The following KCNK12 variants were observed in gnomAD, a reference collection of about 807,000 sequenced individuals.
The protein encoded by KCNK12 is potassium two pore domain channel subfamily K member 12, also known as potassium channel subfamily K member 12.
KCNK12 carries 6 observed loss-of-function variants against 25.3 expected under a neutral mutation model. The ratio of observed to expected loss-of-function variants is 0.24; its 90% CI spans 0.13 to 0.47. KCNK12 has a LOEUF of 0.47. KCNK12 is among the 20% of genes least tolerant of loss of function. The pLI is 0.99. For synonymous variants in KCNK12, 331 were observed against 311.1 expected (o/e 1.06, Z -0.67); for missense variants, 444 against 661.7 (o/e 0.67, Z 3.61).
intron 1 of KCNK12, among the ~76,000 whole-genome samples, chr2:47,549,368 G>A (rs929894775): frequency 7.9e-5 from 12 of 152,132 alleles, no homozygotes; most frequent in African/African-American, 2.9e-4. Flanking sequence ...GCTTGAAAGA[G>A]TACAAAACAA....
chr2:47,521,653 G>T lies in KCNK12; in HGVS notation c.547C>A (p.Gln183Lys). ...GGCAGCAGGCCGCTGCGGCGCAGCT[G>T]GCGCTCCCGGCAGGCGCGCATGATG... is the stretch of plus-strand genomic sequence containing the variant. ...AFIMRACRER[Q>K]LRRSGLLPAT... The change falls in exon 2 of 2, where the codon CAG becomes AAG. Residue 183 changes from glutamine (Q) to lysine (K), a missense_variant. Gln to Lys is a moderately conservative substitution (Grantham distance 53, BLOSUM62 1). Coordinates refer to ENST00000327876, the MANE Select transcript of KCNK12 (RefSeq NM_022055.2). The T allele has an allele frequency of 6.3e-7, 1 of 1,592,754 alleles. No homozygotes were observed. Among genetic ancestry groups the T allele is most frequent in the South Asian group, 1.1e-5 (1 of 87,526 alleles).
Position 47,566,053 on chromosome 2 carries a change from A to G in KCNK12, c.391+3888T>C, listed in dbSNP as rs577626105. ...TTACCCAGGATTTCAGTTCAGTGTA[A>G]GCAATCGGTATGAATAATTTAGACC... On this transcript the variant is annotated intron_variant, in intron 1 of 1. Coordinates refer to ENST00000327876, the MANE Select transcript of KCNK12 (RefSeq NM_022055.2). This position sits in a 1 kb window ranked among gnomAD's most constrained non-coding sequence, Gnocchi z 4.1. The G allele has an allele frequency of 6.6e-5, 10 of 152,374 alleles. No individual in the cohort carries two copies. Among genetic ancestry groups the G allele is most frequent in the Non-Finnish European group, 1.2e-4 (8 of 68,040 alleles). 9.4% of individuals were successfully genotyped at this position (152,374 alleles called of 1,614,324 possible).
At chr2:47,558,667 A>G (rs1244189397) in intron 1 of KCNK12, among the ~76,000 whole-genome samples, 1 of 152,202 alleles carries the variant, frequency 6.6e-6, no homozygotes, top group Non-Finnish European at 1.5e-5. Context: ...AGCAGGGAAG[A>G]GGATCATGGC....
In KCNK12 at chr2:47,557,782, G is replaced by A. The variant is rs961880292; in HGVS notation, c.391+12159C>T. Among the ~76,000 whole-genome samples, 1 of 152,146 alleles carries A rather than the reference G, an allele frequency of 6.6e-6. No individual in the cohort carries two copies. Among genetic ancestry groups the A allele is most frequent in the Non-Finnish European group, 1.5e-5 (1 of 68,040 alleles). Reference sequence around the variant, plus strand: ...CACTTCAGCTCTTGTTATATACTCTGCTGAACTGCCTTCTGGGTCATGTAT... The same window carrying A: ...CACTTCAGCTCTTGTTATATACTCTACTGAACTGCCTTCTGGGTCATGTAT... On this transcript the variant is annotated intron_variant, in intron 1 of 1. Transcript: ENST00000327876. The surrounding 1 kb of genome is among the most constrained non-coding windows in gnomAD (Gnocchi z 4.9).
At position 47,513,623 on chromosome 2, in the gene KCNK12, G is replaced by A. The variant is rs1053392935; in HGVS notation, c.*7284C>T. ...CTAGACTCACAAGGCCAATTGCTTGGTGGGAACCCCTCCCCCATGGTTATC... is the reference window on the plus strand; with the variant it reads ...CTAGACTCACAAGGCCAATTGCTTGATGGGAACCCCTCCCCCATGGTTATC... On this transcript the variant is annotated 3_prime_UTR_variant, in exon 2 of 2. Coordinates refer to ENST00000327876, the MANE Select transcript of KCNK12 (RefSeq NM_022055.2). Among the ~76,000 whole-genome samples the A allele has an allele frequency of 3.3e-5, 5 of 152,132 alleles. No individual in the cohort carries two copies. Among genetic ancestry groups the A allele is most frequent in the Admixed American group, 3.3e-4 (5 of 15,266 alleles).
Position 47,566,770 on chromosome 2 carries a change from C to T in KCNK12, c.391+3171G>A, listed in dbSNP as rs1669794903. ...TAAATATTGCAATCTCAAACAAGAA[C>T]GTTCCCACCAATTATATGCATGAAA... is the stretch of plus-strand genomic sequence containing the variant. On this transcript the variant is annotated intron_variant, in intron 1 of 1. Coordinates refer to ENST00000327876, the MANE Select transcript of KCNK12 (RefSeq NM_022055.2). The surrounding 1 kb of genome is among the most constrained non-coding windows in gnomAD (Gnocchi z 4.1). The T allele has an allele frequency of 6.6e-6, 1 of 152,132 alleles. No individual in the cohort carries two copies. The highest frequency in any genetic ancestry group is 1.5e-5 in the Non-Finnish European group (1 of 68,024). The allele number at this position is 152,132 out of a possible 1,614,324, so 9.4% of individuals were successfully genotyped here. A position where few individuals can be genotyped will look rare whatever the true frequency, so the allele number is the denominator to read the frequency against.
At chr2:47,558,860 T>G (rs1669603726) in intron 1 of KCNK12, among the ~76,000 whole-genome samples, 1 of 152,212 alleles carries the variant, frequency 6.6e-6, no homozygotes, top group Admixed American at 6.5e-5. Context: ...GTTTGTGGAA[T>G]TGCATTTCAT....
At chr2:47,534,102 A>G (rs1668997481) in intron 1 of KCNK12, among the ~76,000 whole-genome samples, 1 of 152,042 alleles carries the variant, frequency 6.6e-6, no homozygotes, top group Admixed American at 6.6e-5. Context: ...GATGAACCCC[A>G]CAGGCTCAGG....
chr2:47,521,245 C>CGCA lies in KCNK12; in HGVS notation c.952_954dup (p.Cys318dup). 1 of 1,606,898 alleles carries CGCA rather than the reference C, an allele frequency of 6.2e-7. No individual in the cohort carries two copies. Among genetic ancestry groups the CGCA allele is most frequent in the Non-Finnish European group, 8.5e-7 (1 of 1,177,034 alleles). The stretch of plus-strand genomic sequence containing the variant: ...GCGCCAGGAGCCGGGCAGCAGCGCG[C>CGCA]GCAGCAGCGGCAGCTCAGCTTGCGC... On this transcript the variant is annotated inframe_insertion, in exon 2 of 2. Coordinates refer to ENST00000327876, the MANE Select transcript of KCNK12 (RefSeq NM_022055.2).
At chr2:47,522,171 A>ACCT (rs1279125275) in intron 1 of KCNK12, among the ~76,000 whole-genome samples, 2 of 152,324 alleles carry the variant, frequency 1.3e-5, no homozygotes, top group Non-Finnish European at 1.5e-5. Context: ...AACAAGGGAC[A>ACCT]CCTGCTCTCC....
intron 1 of KCNK12, among the ~76,000 whole-genome samples, chr2:47,561,493 G>C (rs569953810): frequency 6.6e-6 from 1 of 152,200 alleles, no homozygotes; most frequent in East Asian, 1.9e-4. Context: ...CACACAGCAG[G>C]GGGGCTGAGG....
chr2:47,569,121 G>A lies in KCNK12; in HGVS notation c.391+820C>T, dbSNP rs1669839103. ...GGGGGCCTGAAGGAGTATTGACACA[G>A]CATTCTTCATAAGGTTGAGAAAACG... On this transcript the variant is annotated intron_variant, in intron 1 of 1. Transcript: ENST00000327876. The surrounding 1 kb of genome is among the most constrained non-coding windows in gnomAD (Gnocchi z 4.1). 6.6e-6 allele frequency among the ~76,000 whole-genome samples: 1 copy of A among 152,084 alleles called. No homozygotes were observed. Among genetic ancestry groups the A allele is most frequent in the Non-Finnish European group, 1.5e-5 (1 of 68,022 alleles).
intron 1 of KCNK12, among the ~76,000 whole-genome samples, chr2:47,561,854 A>G (rs1389743583): frequency 2.0e-5 from 3 of 152,210 alleles, no homozygotes; most frequent in African/African-American, 7.2e-5. Context: ...TGGTGTGTTT[A>G]GAGTCGACAC....
intron 1 of KCNK12, among the ~76,000 whole-genome samples, chr2:47,524,070 G>C (rs1439354077): frequency 6.6e-6 from 1 of 152,104 alleles, no homozygotes; most frequent in South Asian, 2.1e-4. Context: ...TAATGACTCA[G>C]GTGAGGGGAA....
chr2:47,534,030 T>C (rs1412946247), intron 1 of KCNK12, among the ~76,000 whole-genome samples: 1 of 151,878 alleles, frequency 6.6e-6, no homozygotes, highest in Non-Finnish European at 1.5e-5. Flanking sequence ...CTTCATTTGA[T>C]GACAACAAGA....
At position 47,562,632 on chromosome 2, in the gene KCNK12, C is replaced by T; in HGVS notation, c.391+7309G>A. On this transcript the variant is annotated intron_variant, in intron 1 of 1. Coordinates refer to ENST00000327876, the MANE Select transcript of KCNK12 (RefSeq NM_022055.2). The surrounding 1 kb of genome is among the most constrained non-coding windows in gnomAD (Gnocchi z 4.8). ...GGGTTTGGGGTAGAACTTCCTGGGG[C>T]CAGAGTCTCATAGCAGTGGTAGCCA... The T allele has an allele frequency of 4.3e-6, 1 of 233,330 alleles. No individual in the cohort carries two copies. The highest frequency in any genetic ancestry group is 8.5e-6 in the Non-Finnish European group (1 of 118,118). 14.5% of individuals were successfully genotyped at this position (233,330 alleles called of 1,614,324 possible).
chr2:47,563,979 G>A (rs540363447), intron 1 of KCNK12: 2 of 231,690 alleles, frequency 8.6e-6, no homozygotes, highest in East Asian at 6.1e-5. Context: ...TACCTTTCTT[G>A]TCTCAGTTTT....
chr2:47,561,929 A>G (rs974017621), intron 1 of KCNK12, among the ~76,000 whole-genome samples: 8 of 152,234 alleles, frequency 5.3e-5, no homozygotes, highest in Non-Finnish European at 1.5e-5. Flanking sequence ...ATCTGAGCTA[A>G]GAAGGGGCTC....
At chr2:47,545,798 C>G (rs1006081535) in intron 1 of KCNK12, among the ~76,000 whole-genome samples, 7 of 152,208 alleles carry the variant, frequency 4.6e-5, no homozygotes, top group Non-Finnish European at 1.0e-4. Flanking sequence ...AAATGCAAGC[C>G]ATTTGTGCTA....
Sources: allele counts gnomAD v4.1 joint callset (sites outside exome capture counted in the v4.1 genomes callset), GRCh38; gene constraint gnomAD v4.1.1; non-coding constraint Gnocchi (gnomAD v3.1); transcripts MANE v1.5; gene names NCBI Gene and HGNC (gene_info 2026-07-23, HGNC 2026-07-21).